ANTXR1: variants seen among roughly 807,000 people sequenced by gnomAD.
ANTXR1 encodes ANTXR cell adhesion molecule 1.
A neutral mutation model predicts 78.1 loss-of-function variants in ANTXR1; 19 were observed. The observed-to-expected ratio is 0.24, with a 90% CI of 0.17 to 0.36. The LOEUF (loss-of-function observed/expected upper bound fraction) is 0.36. Among genes scored for constraint, ANTXR1 ranks in the 10% least tolerant of loss-of-function variants. ANTXR1 has a pLI of 1.00. For synonymous variants in ANTXR1, 273 were observed against 260.5 expected, an observed-to-expected ratio of 1.05 and a Z score of -0.46; for missense variants, 518 against 718.6, an observed-to-expected ratio of 0.72 and a Z score of 3.19.
chr2:69,203,819 T>C (rs1167094460), intron 17 of ANTXR1, among the ~76,000 whole-genome samples: 1 of 152,146 alleles, frequency 6.6e-6, no homozygotes, highest in African/African-American at 2.4e-5. Context: ...GACTTTCAAC[T>C]TCAGATTGTC....
At position 69,248,149 on chromosome 2, in the gene ANTXR1, T is replaced by G. The variant is rs930204620; in HGVS notation, c.*2664T>G. The G allele has an allele frequency of 6.0e-6, 1 of 167,096 alleles. No homozygotes were observed. The highest frequency in any genetic ancestry group is 2.4e-5 in the African/African-American group (1 of 41,466). 10.4% of individuals were successfully genotyped at this position (167,096 alleles called of 1,614,324 possible). ...CTGTAAAAGGCAGGAGACATGTGAT[T>G]ATGATCAGGAAACTGCACAAAATTA... On this transcript the variant is annotated 3_prime_UTR_variant, in exon 18 of 18. Transcript: ENST00000303714.
intron 14 of ANTXR1, among the ~76,000 whole-genome samples, chr2:69,173,710 C>T (rs746835132): frequency 6.6e-6 from 1 of 152,202 alleles, no homozygotes; most frequent in African/African-American, 2.4e-5. Flanking sequence ...CCTATCGTTC[C>T]CAATATCAAG....
intron 2 of ANTXR1, among the ~76,000 whole-genome samples, chr2:69,043,725 G>A (rs1573803778): frequency 6.6e-6 from 1 of 152,272 alleles, no homozygotes; most frequent in Non-Finnish European, 1.5e-5. Flanking sequence ...TCTAATTTTT[G>A]TTTTAGGAAA....
At chr2:69,106,333 A>G (rs1314506373) in intron 10 of ANTXR1, among the ~76,000 whole-genome samples, 1 of 152,256 alleles carries the variant, frequency 6.6e-6, no homozygotes, top group African/African-American at 2.4e-5. Context: ...TGGATGAAAT[A>G]TGATTTTTAA....
Position 69,132,260 on chromosome 2 carries a change from G to A in ANTXR1, c.951+7617G>A, listed in dbSNP as rs533810004. Among the ~76,000 whole-genome samples, 48 of 152,346 alleles carry A rather than the reference G, an allele frequency of 3.2e-4. No individual in the cohort carries two copies. The East Asian group carries it at 9.1e-3, about 29-fold the overall frequency. On this transcript the variant is annotated intron_variant, in intron 12 of 17. Transcript: ENST00000303714. ...TGCTTTAGTGAGTACTGGCTCAGAAGAGGATGTGCTGGAGCCCAGAGATAG... is the reference window on the plus strand; with the variant it reads ...TGCTTTAGTGAGTACTGGCTCAGAAAAGGATGTGCTGGAGCCCAGAGATAG...
intron 17 of ANTXR1, among the ~76,000 whole-genome samples, chr2:69,230,366 T>TGA (rs1391882916): frequency 2.0e-5 from 3 of 151,872 alleles, no homozygotes; most frequent in Non-Finnish European, 4.4e-5. Flanking sequence ...GCCATCAGAG[T>TGA]GAGTCCTTTA....
chr2:69,212,336 G>A (rs1675062787), intron 17 of ANTXR1, among the ~76,000 whole-genome samples: 1 of 152,118 alleles, frequency 6.6e-6, no homozygotes, highest in Admixed American at 6.5e-5. Flanking sequence ...AAGAGGCAAA[G>A]CCCAGGGAGC....
At chr2:69,234,589 T>C (rs1675705254) in intron 17 of ANTXR1, among the ~76,000 whole-genome samples, 1 of 151,934 alleles carries the variant, frequency 6.6e-6, no homozygotes, top group South Asian at 2.1e-4. Context: ...ACCAACGTGG[T>C]GAAAACCCAT....
At chr2:69,053,967 A>G (rs1670000609) in intron 3 of ANTXR1, among the ~76,000 whole-genome samples, 1 of 152,202 alleles carries the variant, frequency 6.6e-6, no homozygotes, top group African/African-American at 2.4e-5. Context: ...TAATAGTCAA[A>G]TGGAAGCCAC....
At chr2:69,165,879 C>T (rs1363239145) in intron 13 of ANTXR1, among the ~76,000 whole-genome samples, 1 of 152,188 alleles carries the variant, frequency 6.6e-6, no homozygotes, top group Non-Finnish European at 1.5e-5. Flanking sequence ...AAAATAAACT[C>T]ATCAGGTGCT....
intron 17 of ANTXR1, among the ~76,000 whole-genome samples, chr2:69,238,761 A>G (rs746875871): frequency 2.6e-5 from 4 of 152,230 alleles, no homozygotes; most frequent in Non-Finnish European, 5.9e-5. Flanking sequence ...GAAACTTGGC[A>G]TGTATGTTAT....
chr2:69,017,651 G>A (rs1671061975), intron 1 of ANTXR1, among the ~76,000 whole-genome samples: 2 of 152,046 alleles, frequency 1.3e-5, no homozygotes, highest in African/African-American at 4.8e-5. Context: ...GACTGGGCTG[G>A]TGGACTGGGC....
At chr2:69,098,843 C>T (rs747915947) in intron 9 of ANTXR1, among the ~76,000 whole-genome samples, 20 of 152,146 alleles carry the variant, frequency 1.3e-4, no homozygotes, top group Non-Finnish European at 2.2e-4. Flanking sequence ...AAAATTAGCC[C>T]GGTGTACTGG....
chr2:69,071,708 A>T, intron 4 of ANTXR1, 46 bp from the exon 5 acceptor site: 1 of 1,606,222 alleles, frequency 6.2e-7, no homozygotes, highest in Non-Finnish European at 8.5e-7. Context: ...TTTTGGAGTG[A>T]CAAACAGTGG....
chr2:69,218,926 A>G (rs1675246487), intron 17 of ANTXR1, among the ~76,000 whole-genome samples: 5 of 152,186 alleles, frequency 3.3e-5, no homozygotes, highest in Admixed American at 2.0e-4. Flanking sequence ...TTGGTCTGAA[A>G]GGCCCAGGTC....
At chr2:69,143,086 T>C (rs976466252) in intron 12 of ANTXR1, among the ~76,000 whole-genome samples, 2 of 152,236 alleles carry the variant, frequency 1.3e-5, no homozygotes, top group Admixed American at 1.3e-4. Context: ...CAGGCAAATC[T>C]ATCAGAATAT....
intron 3 of ANTXR1, among the ~76,000 whole-genome samples, chr2:69,046,552 C>T (rs1385230076): frequency 6.6e-6 from 1 of 152,154 alleles, no homozygotes; most frequent in Non-Finnish European, 1.5e-5. Flanking sequence ...GCCAAAAATG[C>T]CTTGCTGAAG....
intron 6 of ANTXR1, among the ~76,000 whole-genome samples, 188 bp downstream of exon 6, chr2:69,073,289 T>C (rs1012433906): frequency 3.3e-5 from 5 of 152,222 alleles, no homozygotes; most frequent in Admixed American, 2.0e-4. Flanking sequence ...GTTTTACACA[T>C]GGTAAATGTT....
chr2:69,092,650 C>T (rs906391553), intron 9 of ANTXR1, among the ~76,000 whole-genome samples: 1 of 152,114 alleles, frequency 6.6e-6, no homozygotes, highest in Non-Finnish European at 1.5e-5. Flanking sequence ...AGAGGTAGAT[C>T]GGTGAGAATC....
Sources: gnomAD v4.1 joint callset for allele counts (sites outside exome capture counted in the v4.1 genomes callset) on GRCh38, gnomAD v4.1.1 for gene constraint, MANE v1.5 for transcripts, NCBI Gene and HGNC (gene_info 2026-07-23, HGNC 2026-07-21) for gene names.